The following MYO1D variants were observed in gnomAD, a reference collection of about 807,000 sequenced individuals.
The protein encoded by MYO1D is unconventional myosin-Id.
Under a neutral mutation model 122.0 loss-of-function variants are expected in MYO1D, and 83 were observed. That is an observed-to-expected ratio of 0.68 (90% CI 0.57 to 0.82). The LOEUF is 0.82. Among genes scored for constraint, MYO1D ranks in the 40% least tolerant of loss-of-function variants. The probability of loss-of-function intolerance (pLI) is 0.00; values close to 1 mark genes in which losing one functional copy is unlikely to be tolerated. For synonymous variants in MYO1D, 464 were observed against 446.9 expected (o/e 1.04, Z -0.48); for missense variants, 1,157 against 1,269.5 (o/e 0.91, Z 1.35).
intron 1 of MYO1D, among the ~76,000 whole-genome samples, chr17:32,790,975 G>T (rs1466871010): frequency 1.3e-5 from 2 of 152,182 alleles, no homozygotes; most frequent in Non-Finnish European, 2.9e-5. Context: ...ATCTTGTTGA[G>T]CCAGAAAGTA....
chr17:32,539,276 T>TACACACACACAC lies in MYO1D; in HGVS notation c.2865-44373_2865-44362dup, dbSNP rs5819986. Among the ~76,000 whole-genome samples, 77 of 133,516 alleles carry TACACACACACAC rather than the reference T, an allele frequency of 5.8e-4. No individual in the cohort carries two copies. The East Asian group carries it at 0.014, about 24-fold the overall frequency. The allele number at this position is 133,516 out of a possible 152,430, so 87.6% of individuals were successfully genotyped here. ...AGGTGACGTAGGAAGACCCTGTCTC[T>TACACACACACAC]ACACACACACACACACACACACACA... On this transcript the variant is annotated intron_variant, in intron 21 of 21. Transcript: ENST00000318217.
intron 16 of MYO1D, among the ~76,000 whole-genome samples, chr17:32,701,056 T>C (rs1181403097): frequency 6.6e-6 from 1 of 151,722 alleles, no homozygotes; most frequent in Non-Finnish European, 1.5e-5. Flanking sequence ...AGAAAAAAGA[T>C]AATAAGCATA....
At chr17:32,538,274 T>G (rs1022843069) in intron 21 of MYO1D, among the ~76,000 whole-genome samples, 1 of 95,740 alleles carries the variant, frequency 1.0e-5, no homozygotes, top group Admixed American at 1.5e-4. Flanking sequence ...CTAAGTAAAA[T>G]AAATCATCTT....
At chr17:32,629,613 G>A (rs767490960) in intron 20 of MYO1D, among the ~76,000 whole-genome samples, 6 of 151,920 alleles carry the variant, frequency 3.9e-5, no homozygotes, top group Admixed American at 3.9e-4. Context: ...GCGGGCGCCT[G>A]TAATTCCAGC....
At chr17:32,745,975 A>G (rs4293434) in intron 12 of MYO1D, among the ~76,000 whole-genome samples, 74,992 of 151,986 alleles carry the variant, frequency 0.49, 18,793 homozygotes, top group East Asian at 0.73. Context: ...AGTAATTGAC[A>G]ACTCTGGGTG....
At chr17:32,682,481 TA>T (rs1307153741) in intron 16 of MYO1D, among the ~76,000 whole-genome samples, 1 of 151,140 alleles carries the variant, frequency 6.6e-6, no homozygotes, top group Non-Finnish European at 1.5e-5. Flanking sequence ...TGCTTGTCTG[TA>T]AAGGATTTTA....
intron 21 of MYO1D, among the ~76,000 whole-genome samples, chr17:32,581,571 C>G (rs1420998888): frequency 6.6e-6 from 1 of 151,196 alleles, no homozygotes; most frequent in Non-Finnish European, 1.5e-5. Flanking sequence ...CCATGCCCCT[C>G]TCGCTCTCTT....
intron 6 of MYO1D, among the ~76,000 whole-genome samples, chr17:32,768,196 T>C (rs1264881413): frequency 6.6e-6 from 1 of 152,254 alleles, no homozygotes; most frequent in East Asian, 1.9e-4. Flanking sequence ...CACTCTCGTA[T>C]AATCAGGCGG....
chr17:32,710,946 C>T (rs926217193), intron 16 of MYO1D, among the ~76,000 whole-genome samples: 1 of 152,084 alleles, frequency 6.6e-6, no homozygotes, highest in Non-Finnish European at 1.5e-5. Context: ...ACATAGTAAC[C>T]CTCATATACA....
chr17:32,528,243 A>C (rs900203896), intron 21 of MYO1D, among the ~76,000 whole-genome samples: 10 of 152,212 alleles, frequency 6.6e-5, no homozygotes, highest in Admixed American at 6.5e-4. Flanking sequence ...GAAGGTATCC[A>C]GTACCTTGAT....
intron 1 of MYO1D, among the ~76,000 whole-genome samples, chr17:32,849,168 G>C (rs1040130619): frequency 7.3e-5 from 11 of 151,380 alleles, no homozygotes; most frequent in South Asian, 2.1e-4. Flanking sequence ...GGAAACAACA[G>C]GTGCTGGAGA....
Position 32,802,928 on chromosome 17 carries a change from G to T in MYO1D, c.96-22144C>A, listed in dbSNP as rs868459. Among the ~76,000 whole-genome samples, 713 of 152,222 alleles carry T rather than the reference G, an allele frequency of 4.7e-3. 6 individuals carry two copies. The highest frequency in any genetic ancestry group is 0.016 in the African/African-American group (681 of 41,544). ...GAGGTTTCATTTTGTCTTGGTTTTA[G>T]ATTTGGTGGCCAAATCGCACTATTA... On this transcript the variant is annotated intron_variant, in intron 1 of 21. Coordinates refer to ENST00000318217, the MANE Select transcript of MYO1D (RefSeq NM_015194.3).
intron 20 of MYO1D, 95 bp from the exon 21 acceptor site, chr17:32,605,336 T>C: frequency 8.4e-7 from 1 of 1,192,514 alleles, no homozygotes; most frequent in Non-Finnish European, 1.1e-6. Flanking sequence ...GGCATGTGCC[T>C]GTAGTCCCAG....
chr17:32,606,402 T>A (rs1400215828), intron 20 of MYO1D, among the ~76,000 whole-genome samples: 1 of 152,178 alleles, frequency 6.6e-6, no homozygotes, highest in Non-Finnish European at 1.5e-5. Flanking sequence ...ACAAGAAAAC[T>A]ACAAACTGAT....
intron 1 of MYO1D, among the ~76,000 whole-genome samples, chr17:32,868,743 G>C (rs1389029768): frequency 6.6e-6 from 1 of 152,188 alleles, no homozygotes; most frequent in Non-Finnish European, 1.5e-5. Flanking sequence ...AAGGAAATGA[G>C]GCTTAGGGAA....
chr17:32,759,421 A>T (rs539602434), intron 10 of MYO1D, among the ~76,000 whole-genome samples: 14 of 152,108 alleles, frequency 9.2e-5, no homozygotes, highest in Non-Finnish European at 1.9e-4. Flanking sequence ...TATTTCAAAT[A>T]TTTTTTTGCT....
intron 21 of MYO1D, among the ~76,000 whole-genome samples, chr17:32,600,987 T>A (rs1444514216): frequency 6.6e-6 from 1 of 151,740 alleles, no homozygotes; most frequent in African/African-American, 2.4e-5. Flanking sequence ...GGTCTTGTTC[T>A]GTCACCCAGG....
At chr17:32,630,780 A>G (rs1441437493) in intron 20 of MYO1D, among the ~76,000 whole-genome samples, 1 of 152,010 alleles carries the variant, frequency 6.6e-6, no homozygotes, top group Admixed American at 6.6e-5. Flanking sequence ...TCACCTTGTT[A>G]GCCAGGATGG....
intron 20 of MYO1D, among the ~76,000 whole-genome samples, chr17:32,614,129 A>C (rs570619330): frequency 2.9e-5 from 4 of 136,798 alleles, no homozygotes; most frequent in Admixed American, 8.2e-5. Flanking sequence ...ACTTCCTCCC[A>C]GTAGCAGCTG....
Sources: allele counts gnomAD v4.1 joint callset (sites outside exome capture counted in the v4.1 genomes callset), GRCh38; gene constraint gnomAD v4.1.1; transcripts MANE v1.5; gene names NCBI Gene and HGNC (gene_info 2026-07-23, HGNC 2026-07-21).